The following WDR31 variants were observed in gnomAD, a reference collection of about 807,000 sequenced individuals.
WDR31 encodes the protein WD repeat domain 31.
A neutral mutation model predicts 47.3 loss-of-function variants in WDR31; 30 were observed. The observed-to-expected ratio is 0.63, with a 90% CI of 0.47 to 0.86. The LOEUF is 0.86. WDR31 is among the 40% of genes least tolerant of loss of function. The probability of loss-of-function intolerance (pLI) is 0.00; values close to 1 mark genes in which losing one functional copy is unlikely to be tolerated. For missense variants in WDR31, 406 were observed against 442.9 expected (o/e 0.92, Z 0.75); for synonymous variants, 137 against 159.4 (o/e 0.86, Z 1.06).
At chr9:113,333,825 C>G (rs190892725) in intron 2 of WDR31, among the ~76,000 whole-genome samples, 3 of 152,136 alleles carry the variant, frequency 2.0e-5, no homozygotes, top group African/African-American at 7.2e-5. Context: ...AAAGTGTGAT[C>G]CATGGAACAT....
intron 2 of WDR31, among the ~76,000 whole-genome samples, chr9:113,334,675 G>A (rs940201369): frequency 6.7e-6 from 1 of 149,744 alleles, no homozygotes; most frequent in Non-Finnish European, 1.5e-5. Context: ...GAGTAGCTGG[G>A]ACTACAGGCA....
At chr9:113,339,261 C>G (rs1833778862) in intron 1 of WDR31, among the ~76,000 whole-genome samples, 1 of 152,208 alleles carries the variant, frequency 6.6e-6, no homozygotes, top group South Asian at 2.1e-4. Context: ...CAGTACCTAT[C>G]CGACTGTTCT....
At chr9:113,334,544 A>G (rs977349735) in intron 2 of WDR31, among the ~76,000 whole-genome samples, 4 of 151,296 alleles carry the variant, frequency 2.6e-5, no homozygotes, top group East Asian at 1.9e-4. Context: ...TTACTTATTT[A>G]TTTTATTTTT....
intron 9 of WDR31, among the ~76,000 whole-genome samples, chr9:113,319,185 C>T (rs1462240323): frequency 6.6e-6 from 1 of 152,220 alleles, no homozygotes; most frequent in East Asian, 1.9e-4. Context: ...CCAGTCAGTG[C>T]TGCCAGTCCC....
intron 7 of WDR31, 31 bp downstream of exon 7, chr9:113,322,780 G>A (rs368296182): frequency 1.2e-6 from 2 of 1,608,498 alleles, no homozygotes; most frequent in Non-Finnish European, 1.7e-6. Context: ...CCTTTCTGCT[G>A]CCCTGTTCTG....
intron 1 of WDR31, among the ~76,000 whole-genome samples, chr9:113,338,182 C>T (rs955394737): frequency 3.3e-5 from 5 of 152,182 alleles, no homozygotes; most frequent in Non-Finnish European, 5.9e-5. Flanking sequence ...CTTGTTAATA[C>T]TGTTCATAAT....
intron 1 of WDR31, among the ~76,000 whole-genome samples, chr9:113,339,088 G>A (rs548107278): frequency 2.7e-4 from 41 of 152,230 alleles, no homozygotes; most frequent in African/African-American, 9.6e-4. Context: ...TGTCCCTGTT[G>A]GTTCCAGTTG....
chr9:113,325,607 A>G (rs1833443422), intron 5 of WDR31, among the ~76,000 whole-genome samples: 1 of 151,340 alleles, frequency 6.6e-6, no homozygotes, highest in African/African-American at 2.4e-5. Context: ...AATCTCCTGT[A>G]AGGAAAATTT....
Position 113,328,919 on chromosome 9 carries a change from C to A in WDR31, c.286G>T (p.Val96Leu), listed in dbSNP as rs780172776. Reference sequence around the variant, plus strand: ...TGTTCATGTCCTTTGAACCTTTTCACCACATTTCCAGTTTTCCAATTATAG... The same window carrying A: ...TGTTCATGTCCTTTGAACCTTTTCAACACATTTCCAGTTTTCCAATTATAG... ...VAYNWKTGNV[V>L]KRFKGHEHEI... is the part of the protein sequence containing the mutation. The change falls in exon 5 of 11, where the codon GTG becomes TTG. Residue 96 changes from valine (V) to leucine (L), a missense_variant. Physicochemically the swap from Val to Leu is conservative, Grantham distance 32. Coordinates refer to ENST00000374193, the MANE Select transcript of WDR31 (RefSeq NM_001012361.4). 3.7e-6 allele frequency: 6 copies of A among 1,614,124 alleles called. No individual in the cohort carries two copies. In the Admixed American group the frequency reaches 8.3e-5, roughly 22 times the overall value.
rs1335511391 is a variant in WDR31 at position 113,314,506 on chromosome 9, T to G, written c.*2243A>C. 2 of 149,534 alleles carry G rather than the reference T, an allele frequency of 1.3e-5. No homozygotes were observed. Among genetic ancestry groups the G allele is most frequent in the African/African-American group, 4.9e-5 (2 of 40,602 alleles). 9.3% of individuals were successfully genotyped at this position (149,534 alleles called of 1,614,324 possible). Reference sequence around the variant, plus strand: ...GGGATTACAGGCATGAGCCAACGCGTCCGGCAGAATGGTAAATGTTTAATA... The same window carrying G: ...GGGATTACAGGCATGAGCCAACGCGGCCGGCAGAATGGTAAATGTTTAATA... On this transcript the variant is annotated 3_prime_UTR_variant, in exon 11 of 11. Coordinates refer to ENST00000374193, the MANE Select transcript of WDR31 (RefSeq NM_001012361.4).
chr9:113,330,637 A>G (rs1015914001), intron 4 of WDR31, among the ~76,000 whole-genome samples: 11 of 152,180 alleles, frequency 7.2e-5, no homozygotes, highest in African/African-American at 2.4e-4. Context: ...GTAACATGGG[A>G]TTGGTGGTAA....
intron 10 of WDR31, among the ~76,000 whole-genome samples, chr9:113,317,797 G>A (rs1353212180): frequency 6.6e-6 from 1 of 152,180 alleles, no homozygotes; most frequent in East Asian, 1.9e-4. Flanking sequence ...GTGGGGTGCT[G>A]GTAAACCAGC....
At chr9:113,327,327 T>G (rs1833494996) in intron 5 of WDR31, among the ~76,000 whole-genome samples, 1 of 152,198 alleles carries the variant, frequency 6.6e-6, no homozygotes, top group Non-Finnish European at 1.5e-5. Context: ...TTGGATCCTT[T>G]CTGCTTATTA....
rs571708841 is a variant in WDR31, at chr9:113,315,045, T to C, written c.*1704A>G. 2 of 152,070 alleles carry C rather than the reference T, an allele frequency of 1.3e-5. No individual in the cohort carries two copies. Among genetic ancestry groups the C allele is most frequent in the Non-Finnish European group, 2.9e-5 (2 of 68,036 alleles). 9.4% of individuals were successfully genotyped at this position (152,070 alleles called of 1,614,324 possible). A position where few individuals can be genotyped will look rare whatever the true frequency, so the allele number is the denominator to read the frequency against. The stretch of plus-strand genomic sequence containing the variant: ...ACTTGCCCAAGATCATCCAGCTAAA[T>C]GGAGAAGTGGAGATTCAAAGTCGGG... On this transcript the variant is annotated 3_prime_UTR_variant, in exon 11 of 11. Transcript: ENST00000374193.
Position 113,323,165 on chromosome 9 carries a change from GA to G in WDR31, c.325-11del, listed in dbSNP as rs771865246. ...TGGGAATACAGGCTACCTGCTCAGG[GA>G]AAAAACAACAACACTGAAATAGCTC... On this transcript the variant is annotated splice_polypyrimidine_tract_variant and intron_variant, in intron 5 of 10. Transcript: ENST00000374193. 2 of 1,607,592 alleles carry G rather than the reference GA, an allele frequency of 1.2e-6. No individual in the cohort carries two copies. The highest frequency in any genetic ancestry group is 1.7e-5 in the Admixed American group (1 of 58,346).
At chr9:113,328,826 TAGC>T (rs2118828437) in intron 5 of WDR31, 52 bp downstream of exon 5, 1 of 1,394,682 alleles carries the variant, frequency 7.2e-7, no homozygotes, top group East Asian at 2.3e-5. Flanking sequence ...CTAGAACTAT[TAGC>T]TATCCTTTAT....
intron 9 of WDR31, among the ~76,000 whole-genome samples, 183 bp from the exon 10 acceptor site, chr9:113,318,820 A>G (rs1833266986): frequency 6.6e-6 from 1 of 152,192 alleles, no homozygotes; most frequent in African/African-American, 2.4e-5. Flanking sequence ...TGACCCATCC[A>G]TCCAGTGATT....
chr9:113,321,647 G>T, intron 7 of WDR31, 69 bp from the exon 8 acceptor site: 1 of 1,424,808 alleles, frequency 7.0e-7, no homozygotes. Flanking sequence ...CCTGTCAAAT[G>T]TGCTAACTAG....
rs1391011017 is a variant in WDR31 at position 113,326,078 on chromosome 9, A to AT, written c.324+2802dup. Among the ~76,000 whole-genome samples the AT allele has an allele frequency of 6.6e-5, 10 of 152,118 alleles. No individual in the cohort carries two copies. The East Asian group carries it at 1.9e-3, about 29-fold the overall frequency. ...AGGCATGCGCCACCACACCTGGCTA[A>AT]TTTTTTATTTTTAGTAGAGACGGGG... On this transcript the variant is annotated intron_variant, in intron 5 of 10. Coordinates refer to ENST00000374193, the MANE Select transcript of WDR31 (RefSeq NM_001012361.4).
Sources: gnomAD v4.1 joint callset for allele counts (sites outside exome capture counted in the v4.1 genomes callset) on GRCh38, gnomAD v4.1.1 for gene constraint, MANE v1.5 for transcripts, NCBI Gene and HGNC (gene_info 2026-07-23, HGNC 2026-07-21) for gene names.